Variants in ELMO1 observed in about 807,000 individuals in gnomAD.
ELMO1 encodes the protein engulfment and cell motility protein 1.
ELMO1 carries 26 observed loss-of-function variants against 98.9 expected under a neutral mutation model. The ratio of observed to expected loss-of-function variants is 0.26; its 90% confidence interval spans 0.19 to 0.36. The LOEUF is 0.36. ELMO1 is among the 10% of genes least tolerant of loss of function. The probability of loss-of-function intolerance (pLI) is 1.00; values close to 1 mark genes in which losing one functional copy is unlikely to be tolerated. For missense variants in ELMO1, 627 were observed against 935.2 expected (o/e 0.67, Z 4.30); for synonymous variants, 346 against 346.0 (o/e 1.00, Z 0.00).
chr7:37,346,871 G>A (rs1400838743), intron 1 of ELMO1, among the ~76,000 whole-genome samples: 1 of 152,134 alleles, frequency 6.6e-6, no homozygotes, highest in Admixed American at 6.6e-5. Flanking sequence ...CCTTTAACTG[G>A]TATTTATTTC....
chr7:37,364,072 C>A (rs1013813194), intron 1 of ELMO1, among the ~76,000 whole-genome samples: 21 of 152,172 alleles, frequency 1.4e-4, no homozygotes, highest in African/African-American at 4.1e-4. Flanking sequence ...GCCTCTCTGA[C>A]ATAAAGGAGT....
chr7:37,242,558 A>C (rs1794813637), intron 7 of ELMO1, among the ~76,000 whole-genome samples: 1 of 152,202 alleles, frequency 6.6e-6, no homozygotes, highest in African/African-American at 2.4e-5. Flanking sequence ...GTCAATATTC[A>C]GATATCAGTT....
chr7:37,445,821 G>A (rs1304125733), intron 1 of ELMO1, among the ~76,000 whole-genome samples: 1 of 152,156 alleles, frequency 6.6e-6, no homozygotes, highest in Non-Finnish European at 1.5e-5. Context: ...ATGGGACACA[G>A]TAGATGCCTC....
intron 13 of ELMO1, 180 bp downstream of exon 13, chr7:37,211,206 C>T: frequency 1.3e-6 from 1 of 799,152 alleles, no homozygotes; most frequent in Non-Finnish European, 1.9e-6. Flanking sequence ...TATTCCATTT[C>T]ACTGAAGCCA....
At chr7:37,326,271 T>A (rs2131170049) in intron 2 of ELMO1, among the ~76,000 whole-genome samples, 1 of 152,206 alleles carries the variant, frequency 6.6e-6, no homozygotes, top group East Asian at 1.9e-4. Context: ...AACTGAAAGA[T>A]GGGCCAGGCA....
chr7:37,274,140 G>A (rs900695531), intron 4 of ELMO1, among the ~76,000 whole-genome samples: 8 of 152,228 alleles, frequency 5.3e-5, no homozygotes, highest in Non-Finnish European at 1.2e-4. Flanking sequence ...AATGCCTCTT[G>A]GCAGGCAGGC....
At chr7:36,867,236 T>A (rs930302139) in intron 20 of ELMO1, among the ~76,000 whole-genome samples, 1 of 152,184 alleles carries the variant, frequency 6.6e-6, no homozygotes, top group South Asian at 2.1e-4. Flanking sequence ...CATCCTATGT[T>A]TTATGAGTGT....
intron 4 of ELMO1, among the ~76,000 whole-genome samples, chr7:37,292,753 C>A (rs1412065883): frequency 5.0e-5 from 5 of 100,724 alleles, no homozygotes; most frequent in Admixed American, 9.3e-5. Context: ...GTCAGCCCCC[C>A]GCCCGGCCAG....
intron 6 of ELMO1, among the ~76,000 whole-genome samples, chr7:37,256,654 CAAAGG>C (rs1286169661): frequency 2.3e-5 from 2 of 85,810 alleles, no homozygotes; most frequent in Non-Finnish European, 4.5e-5. Flanking sequence ...GAGAGGAGGA[CAAAGG>C]GAAGGGAGGG....
At chr7:36,905,675 G>A (rs6948439) in intron 16 of ELMO1, among the ~76,000 whole-genome samples, 83,854 of 152,020 alleles carry the variant, frequency 0.55, 23,338 homozygotes, top group Non-Finnish European at 0.58. Flanking sequence ...GAAGGAGTCA[G>A]TGGTCACTGT....
At chr7:36,972,796 AAC>A (rs1790088387) in intron 16 of ELMO1, among the ~76,000 whole-genome samples, 1 of 152,120 alleles carries the variant, frequency 6.6e-6, no homozygotes, top group Non-Finnish European at 1.5e-5. Context: ...AGTTTTTTGA[AAC>A]AGAGTTTCAT....
At position 37,125,536 on chromosome 7, in the gene ELMO1, A is replaced by G. The variant is rs186058327; in HGVS notation, c.1191+7594T>C. 2.8e-4 allele frequency among the ~76,000 whole-genome samples: 43 copies of G among 152,358 alleles called. 1 individual carries two copies. The highest frequency in any genetic ancestry group is 5.0e-4 in the Non-Finnish European group (34 of 68,034). On this transcript the variant is annotated intron_variant, in intron 14 of 21. Coordinates refer to ENST00000310758, the MANE Select transcript of ELMO1 (RefSeq NM_014800.11). ...ATGCAGCCAACAGACACATGAAGAA[A>G]TGCTCATCATCACTGGCCATCAGAG...
rs868456611 is a variant in ELMO1 at position 36,870,700 on chromosome 7, C to T, written c.1823-225G>A. Among the ~76,000 whole-genome samples, 17 of 152,116 alleles carry T rather than the reference C, an allele frequency of 1.1e-4. No homozygotes were observed. Among genetic ancestry groups the T allele is most frequent in the South Asian group, 4.1e-4 (2 of 4,822 alleles). ...AAAAAGCATCCCTGGAGAGAAAGAG[C>T]TTGCTTGTAAGCAGAATTTGGTTCA... On this transcript the variant is annotated intron_variant, in intron 19 of 21. Coordinates refer to ENST00000310758, the MANE Select transcript of ELMO1 (RefSeq NM_014800.11). The surrounding 1 kb of genome is among the most constrained non-coding windows in gnomAD (Gnocchi z 4.4).
chr7:36,944,230 G>A (rs1254630757), intron 16 of ELMO1, among the ~76,000 whole-genome samples: 2 of 152,216 alleles, frequency 1.3e-5, no homozygotes, highest in Admixed American at 6.5e-5. Flanking sequence ...AAATGTCAGA[G>A]CAGGAATCTG....
At chr7:37,194,902 G>A (rs1296703657) in intron 13 of ELMO1, among the ~76,000 whole-genome samples, 1 of 151,974 alleles carries the variant, frequency 6.6e-6, no homozygotes, top group Non-Finnish European at 1.5e-5. Flanking sequence ...TTTCTTGAAC[G>A]GTAGAATCCT....
At chr7:36,993,775 T>G (rs1314670608) in intron 16 of ELMO1, among the ~76,000 whole-genome samples, 2 of 152,188 alleles carry the variant, frequency 1.3e-5, no homozygotes, top group Admixed American at 6.5e-5. Flanking sequence ...GTATATACAA[T>G]GGAAAAATGT....
At chr7:37,096,314 G>C (rs754226240) in intron 15 of ELMO1, among the ~76,000 whole-genome samples, 1 of 151,448 alleles carries the variant, frequency 6.6e-6, no homozygotes, top group Non-Finnish European at 1.5e-5. Context: ...GAAATCCATA[G>C]ATTTTTTTTT....
At chr7:37,195,143 A>G (rs1022258147) in intron 13 of ELMO1, among the ~76,000 whole-genome samples, 3 of 152,144 alleles carry the variant, frequency 2.0e-5, no homozygotes, top group Non-Finnish European at 2.9e-5. Context: ...AGAATACAAC[A>G]CACTCAGTTC....
intron 13 of ELMO1, among the ~76,000 whole-genome samples, chr7:37,180,357 A>G (rs914449236): frequency 2.0e-5 from 3 of 152,152 alleles, no homozygotes; most frequent in Non-Finnish European, 2.9e-5. Context: ...TGGGAGGGAG[A>G]TGATATATAA....
Sources: allele counts gnomAD v4.1 joint callset (sites outside exome capture counted in the v4.1 genomes callset), GRCh38; gene constraint gnomAD v4.1.1; non-coding constraint Gnocchi (gnomAD v3.1); transcripts MANE v1.5; gene names NCBI Gene and HGNC (gene_info 2026-07-23, HGNC 2026-07-21).